The following XPOT variants were observed in gnomAD, a reference collection of about 807,000 sequenced individuals.
The protein encoded by XPOT is exportin-T.
Under a neutral mutation model 128.2 loss-of-function variants are expected in XPOT, and 34 were observed. That is an observed-to-expected ratio of 0.27 (90% CI 0.20 to 0.35). The LOEUF (loss-of-function observed/expected upper bound fraction) is 0.35. Among genes scored for constraint, XPOT ranks in the 10% least tolerant of loss-of-function variants. The pLI, the probability that XPOT is intolerant of heterozygous loss-of-function variation, is 1.00. For missense variants in XPOT, 838 were observed against 1,125.3 expected (o/e 0.74, Z 3.65); for synonymous variants, 348 against 394.3 (o/e 0.88, Z 1.39).
chr12:64,424,537 G>T (rs2040172215), intron 11 of XPOT, 62 bp from the exon 12 acceptor site: 1 of 1,588,454 alleles, frequency 6.3e-7, no homozygotes, highest in Admixed American at 1.7e-5. Flanking sequence ...TGTAGCCATG[G>T]TGGTTTGCTG....
At chr12:64,429,651 G>A (rs1375176608) in intron 16 of XPOT, among the ~76,000 whole-genome samples, 1 of 152,112 alleles carries the variant, frequency 6.6e-6, no homozygotes, top group African/African-American at 2.4e-5. Flanking sequence ...ACGTTGACCA[G>A]GCTGGTCACG....
chr12:64,441,658 T>A (rs1249789113), intron 23 of XPOT, among the ~76,000 whole-genome samples: 2 of 152,154 alleles, frequency 1.3e-5, no homozygotes, highest in African/African-American at 4.8e-5. Flanking sequence ...TTTGGAATGA[T>A]TAAGAAGCTT....
rs745702148 is a variant in XPOT at position 64,419,128 on chromosome 12, T to C, written c.489+34T>C. On this transcript the variant is annotated intron_variant, in intron 6 of 24. Coordinates refer to ENST00000332707, the MANE Select transcript of XPOT (RefSeq NM_007235.6). ...CTAACCATGAATTTTTTATATTTAA[T>C]GTAAGTTTTGTAGGTGATAATGGGC... is the stretch of plus-strand genomic sequence containing the variant. 3.2e-6 allele frequency: 5 copies of C among 1,568,924 alleles called. No homozygotes were observed. The East Asian group carries it at 6.7e-5, about 21-fold the overall frequency.
In XPOT at chr12:64,448,909, A is replaced by T. The variant is rs2040386641; in HGVS notation, c.*778A>T. On this transcript the variant is annotated 3_prime_UTR_variant, in exon 25 of 25. Coordinates refer to ENST00000332707, the MANE Select transcript of XPOT (RefSeq NM_007235.6). ...TATGTGAATCTGTTGATAGAATTTA[A>T]AATTCCAGGCCGGGCGTGGTGGCTC... 1 of 152,176 alleles carries T rather than the reference A, an allele frequency of 6.6e-6. No homozygotes were observed. The highest frequency in any genetic ancestry group is 6.5e-5 in the Admixed American group (1 of 15,270). The allele number at this position is 152,176 out of a possible 1,614,324, so 9.4% of individuals were successfully genotyped here.
Position 64,431,660 on chromosome 12 carries a change from T to C in XPOT, c.2099T>C (p.Leu700Pro), listed in dbSNP as rs770561820. Reference protein sequence around the residue: ...ALSCPLQKDILRSGVRTFLHR... With the variant: ...ALSCPLQKDIPRSGVRTFLHR... ...AGTTGTCCCTTACAAAAGGATATTC[T>C]CAGAAGTGGAGTCCGTACTTTCCTT... is the stretch of plus-strand genomic sequence containing the variant. Residue 700 changes from leucine (L) to proline (P), a missense_variant, in exon 18 of 25, where the codon CTC becomes CCC. By Grantham distance (98) the Leu-to-Pro change is moderately conservative. This residue lies in a region of XPOT where 761 missense variants were observed against 988.3 expected (regional missense o/e 0.77). Coordinates refer to ENST00000332707, the MANE Select transcript of XPOT (RefSeq NM_007235.6). 1 of 1,613,928 alleles carries C rather than the reference T, an allele frequency of 6.2e-7. No individual in the cohort carries two copies. The highest frequency in any genetic ancestry group is 2.2e-5 in the East Asian group (1 of 44,866).
chr12:64,447,258 T>C (rs1181901060), intron 24 of XPOT, among the ~76,000 whole-genome samples: 2 of 152,292 alleles, frequency 1.3e-5, no homozygotes, highest in East Asian at 3.9e-4. Context: ...TCAAACCATA[T>C]CATTGTCCTT....
At chr12:64,420,627 C>T in intron 8 of XPOT, 106 bp downstream of exon 8, 2 of 874,210 alleles carry the variant, frequency 2.3e-6, no homozygotes, top group East Asian at 5.3e-5. Flanking sequence ...ATGTTATAAA[C>T]TCCCCTTGAG....
rs148756175 is a variant in XPOT, at chr12:64,418,233, G to A, written c.270+118G>A. On this transcript the variant is annotated intron_variant, in intron 5 of 24. Transcript: ENST00000332707. ...CAGTGTTCCTCCATTTGATTTCATAGCTTTTTTAAAAGGTGCTGGTTTTAA... is the reference window on the plus strand; with the variant it reads ...CAGTGTTCCTCCATTTGATTTCATAACTTTTTTAAAAGGTGCTGGTTTTAA... 384 of 790,106 alleles carry A rather than the reference G, an allele frequency of 4.9e-4. 1 individual carries two copies. In the East Asian group the frequency reaches 0.011, roughly 22 times the overall value. The allele number at this position is 790,106 out of a possible 1,614,324, so 48.9% of individuals were successfully genotyped here. A position where few individuals can be genotyped will look rare whatever the true frequency, so the allele number is the denominator to read the frequency against.
At chr12:64,420,595 A>T in intron 8 of XPOT, 74 bp downstream of exon 8, 1 of 1,163,754 alleles carries the variant, frequency 8.6e-7, no homozygotes, top group Non-Finnish European at 1.2e-6. Flanking sequence ...GTTAAATATA[A>T]TAATAGCTTT....
chr12:64,438,639 T>C (rs2040301423), intron 22 of XPOT, among the ~76,000 whole-genome samples: 1 of 151,830 alleles, frequency 6.6e-6, no homozygotes, highest in Non-Finnish European at 1.5e-5. Flanking sequence ...TTTTTTTTTT[T>C]TTTTTTGAGA....
At chr12:64,414,272 G>A (rs371889376) in intron 2 of XPOT, among the ~76,000 whole-genome samples, 198 of 152,256 alleles carry the variant, frequency 1.3e-3, no homozygotes, top group African/African-American at 4.5e-3. Flanking sequence ...ACAAGGCCCT[G>A]AATTCATAAA....
intron 18 of XPOT, among the ~76,000 whole-genome samples, chr12:64,432,466 G>T (rs142732481): frequency 6.6e-6 from 1 of 152,076 alleles, no homozygotes; most frequent in Admixed American, 6.6e-5. Context: ...GGCTAATCTC[G>T]AACTCCTGAC....
chr12:64,431,016 CT>C (rs1233258074), intron 17 of XPOT, among the ~76,000 whole-genome samples: 2 of 152,050 alleles, frequency 1.3e-5, no homozygotes, highest in East Asian at 3.9e-4. Flanking sequence ...GTGATCTCAG[CT>C]CAGTGCAACC....
intron 6 of XPOT, 75 bp from the exon 7 acceptor site, chr12:64,419,995 C>T: frequency 1.5e-6 from 2 of 1,358,752 alleles, no homozygotes; most frequent in African/African-American, 2.9e-5. Flanking sequence ...AAAGTTTACT[C>T]TCTGCAAGTA....
chr12:64,412,597 T>A (rs1382823290), intron 2 of XPOT, among the ~76,000 whole-genome samples: 1 of 152,186 alleles, frequency 6.6e-6, no homozygotes, highest in African/African-American at 2.4e-5. Context: ...TCTTATAGTC[T>A]TAACTTCTAA....
At chr12:64,425,243 G>A in intron 13 of XPOT, 61 bp downstream of exon 13, 1 of 1,608,932 alleles carries the variant, frequency 6.2e-7, no homozygotes, top group Non-Finnish European at 8.5e-7. Flanking sequence ...GCTAATGGGA[G>A]TTCCTTAATT....
intron 23 of XPOT, chr12:64,442,510 T>G (rs2040333688): frequency 6.6e-6 from 1 of 152,418 alleles, no homozygotes; most frequent in Admixed American, 6.5e-5. Flanking sequence ...ACCTTACTGC[T>G]AGGCACTGGC....
intron 17 of XPOT, among the ~76,000 whole-genome samples, chr12:64,430,904 C>G (rs2040233287): frequency 6.6e-6 from 1 of 152,054 alleles, no homozygotes; most frequent in Non-Finnish European, 1.5e-5. Flanking sequence ...TTTCTCTTTT[C>G]TGTCCACTTT....
At position 64,424,903 on chromosome 12, in the gene XPOT, T is replaced by C. The variant is rs890593408; in HGVS notation, c.1308-135T>C. ...CTTGATCCTTTCTACCTTTGTGATGTATTGCCTGGGAAAGTTAACAGTTGC... is the reference window on the plus strand; with the variant it reads ...CTTGATCCTTTCTACCTTTGTGATGCATTGCCTGGGAAAGTTAACAGTTGC... On this transcript the variant is annotated intron_variant, in intron 12 of 24. Coordinates refer to ENST00000332707, the MANE Select transcript of XPOT (RefSeq NM_007235.6). 3.0e-6 allele frequency: 4 copies of C among 1,330,902 alleles called. No individual in the cohort carries two copies. The African/African-American group carries it at 5.9e-5, about 20-fold the overall frequency. The allele number at this position is 1,330,902 out of a possible 1,614,324, so 82.4% of individuals were successfully genotyped here.
Sources: allele counts gnomAD v4.1 joint callset (sites outside exome capture counted in the v4.1 genomes callset), GRCh38; gene constraint gnomAD v4.1.1; regional missense constraint gnomAD v4.1.1; transcripts MANE v1.5; gene names NCBI Gene and HGNC (gene_info 2026-07-23, HGNC 2026-07-21).